WASF1: variants seen among roughly 807,000 people sequenced by gnomAD.
WASF1 encodes the protein WASP family member 1.
Under a neutral mutation model 50.5 loss-of-function variants are expected in WASF1, and 7 were observed. That is an observed-to-expected ratio of 0.14 (90% CI 0.08 to 0.26). The LOEUF (loss-of-function observed/expected upper bound fraction) is 0.26. Ranked by LOEUF, WASF1 falls within the 10% of genes least tolerant of loss-of-function variation. WASF1 has a pLI of 1.00. For synonymous variants in WASF1, 205 were observed against 244.0 expected (o/e 0.84, Z 1.49); for missense variants, 470 against 694.7 (o/e 0.68, Z 3.64).
chr6:110,131,254 CCTTTCA>C (rs1316849383), intron 3 of WASF1, among the ~76,000 whole-genome samples: 1 of 152,084 alleles, frequency 6.6e-6, no homozygotes, highest in Non-Finnish European at 1.5e-5. Flanking sequence ...ATAAATATGA[CCTTTCA>C]CTTTATCTCT....
At chr6:110,118,633 A>G (rs939378441) in intron 4 of WASF1, among the ~76,000 whole-genome samples, 3 of 152,162 alleles carry the variant, frequency 2.0e-5, no homozygotes, top group Admixed American at 2.0e-4. Context: ...TAGACACATC[A>G]AAGAGACAGA....
chr6:110,178,893 C>A (rs1777060536), intron 1 of WASF1, among the ~76,000 whole-genome samples, 151 bp from the exon 2 acceptor site: 2 of 152,248 alleles, frequency 1.3e-5, no homozygotes, highest in African/African-American at 4.8e-5. Flanking sequence ...CATGAACAGG[C>A]ACCAGAAGCG....
chr6:110,149,213 A>G (rs567398283), intron 3 of WASF1, among the ~76,000 whole-genome samples: 1 of 151,832 alleles, frequency 6.6e-6, no homozygotes, highest in South Asian at 2.1e-4. Context: ...TCCCCCTTTC[A>G]TTTTTTTCCT....
At chr6:110,155,071 G>C (rs1267173432) in intron 3 of WASF1, among the ~76,000 whole-genome samples, 1 of 152,074 alleles carries the variant, frequency 6.6e-6, no homozygotes, top group Non-Finnish European at 1.5e-5. Flanking sequence ...GCATTCAAAA[G>C]TAATGAACCA....
At chr6:110,170,279 G>T (rs78621577) in intron 2 of WASF1, among the ~76,000 whole-genome samples, 4,903 of 152,220 alleles carry the variant, frequency 0.032, 99 homozygotes, top group Middle Eastern at 0.051. Flanking sequence ...CCGGAGTATA[G>T]TGGTGCAATC....
chr6:110,114,754 C>T (rs1773718781), intron 4 of WASF1, among the ~76,000 whole-genome samples: 2 of 151,420 alleles, frequency 1.3e-5, no homozygotes, highest in South Asian at 2.1e-4. Flanking sequence ...AGATGAGTTC[C>T]CAGATGCCAT....
intron 3 of WASF1, among the ~76,000 whole-genome samples, chr6:110,141,991 C>A (rs1404547848): frequency 6.6e-6 from 1 of 152,138 alleles, no homozygotes; most frequent in African/African-American, 2.4e-5. Flanking sequence ...TGGTCTCGAA[C>A]TCCCGACCTC....
At chr6:110,131,656 A>G (rs1774676429) in intron 3 of WASF1, among the ~76,000 whole-genome samples, 1 of 152,090 alleles carries the variant, frequency 6.6e-6, no homozygotes, top group Non-Finnish European at 1.5e-5. Context: ...TACAGGTGCC[A>G]CAACACCCGG....
At chr6:110,175,181 T>A (rs1428520589) in intron 2 of WASF1, among the ~76,000 whole-genome samples, 1 of 152,062 alleles carries the variant, frequency 6.6e-6, no homozygotes, top group African/African-American at 2.4e-5. Context: ...TTCCAAAATT[T>A]TTTCCTTAAA....
intron 3 of WASF1, among the ~76,000 whole-genome samples, chr6:110,133,737 T>C (rs147395927): frequency 0.017 from 2,635 of 152,278 alleles, 73 homozygotes; most frequent in African/African-American, 0.059. Flanking sequence ...GATTTTTTTT[T>C]CTGATATTTG....
intron 8 of WASF1, 103 bp downstream of exon 8, chr6:110,105,304 G>C: frequency 8.6e-7 from 1 of 1,167,598 alleles, no homozygotes; most frequent in Non-Finnish European, 1.2e-6. Flanking sequence ...TTTATAACAG[G>C]GTCTGCCTGT....
chr6:110,102,373 A>G (rs1223662872), intron 9 of WASF1, among the ~76,000 whole-genome samples, 157 bp from the exon 10 acceptor site: 2 of 152,106 alleles, frequency 1.3e-5, no homozygotes, highest in Admixed American at 6.6e-5. Context: ...GTATTTAGAA[A>G]AAAAAAAAGA....
At chr6:110,168,423 G>T (rs1485253171) in intron 2 of WASF1, among the ~76,000 whole-genome samples, 1 of 152,036 alleles carries the variant, frequency 6.6e-6, no homozygotes, top group Middle Eastern at 3.2e-3. Context: ...TGATTTTTAT[G>T]ATGTTAACAC....
intron 3 of WASF1, among the ~76,000 whole-genome samples, chr6:110,158,766 T>C (rs1431313134): frequency 6.6e-6 from 1 of 151,912 alleles, no homozygotes. Context: ...GAATGAAGAT[T>C]AGAACCAGCT....
intron 4 of WASF1, among the ~76,000 whole-genome samples, chr6:110,114,901 G>A (rs1165518871): frequency 6.6e-6 from 1 of 151,734 alleles, no homozygotes; most frequent in African/African-American, 2.4e-5. Flanking sequence ...AGACCAGCCT[G>A]AACAACATGG....
chr6:110,167,124 G>A (rs1283930882), intron 2 of WASF1, among the ~76,000 whole-genome samples: 1 of 151,130 alleles, frequency 6.6e-6, no homozygotes, highest in Non-Finnish European at 1.5e-5. Flanking sequence ...CATACATAAT[G>A]CAAAGCATTA....
chr6:110,126,382 T>C (rs1019737151), intron 4 of WASF1, among the ~76,000 whole-genome samples: 1 of 152,192 alleles, frequency 6.6e-6, no homozygotes, highest in African/African-American at 2.4e-5. Context: ...CTTTTATTTA[T>C]TCTTACTATT....
chr6:110,117,190 C>T (rs1284056469), intron 4 of WASF1, among the ~76,000 whole-genome samples: 1 of 151,798 alleles, frequency 6.6e-6, no homozygotes, highest in Non-Finnish European at 1.5e-5. Context: ...GTAGGCTTCA[C>T]AAGGTTGGTA....
chr6:110,152,267 G>C (rs1022791859), intron 3 of WASF1, among the ~76,000 whole-genome samples: 12 of 152,070 alleles, frequency 7.9e-5, no homozygotes, highest in Non-Finnish European at 5.9e-5. Context: ...AAGATGGAGG[G>C]AACCTGAAAG....
Sources: gnomAD v4.1 joint callset for allele counts (sites outside exome capture counted in the v4.1 genomes callset) on GRCh38, gnomAD v4.1.1 for gene constraint, MANE v1.5 for transcripts, NCBI Gene and HGNC (gene_info 2026-07-23, HGNC 2026-07-21) for gene names.